Variants in RBFOX1 observed in about 807,000 individuals in gnomAD.
The protein encoded by RBFOX1 is RNA binding protein fox-1 homolog 1.
In RBFOX1, 8 loss-of-function variants were observed where a neutral mutation model predicts 57.7. The ratio of observed to expected loss-of-function variants is 0.14; its 90% CI spans 0.08 to 0.25. The LOEUF (loss-of-function observed/expected upper bound fraction) is 0.25, where lower values mean the gene tolerates loss of function less well. Ranked by LOEUF, RBFOX1 falls within the 10% of genes least tolerant of loss-of-function variation. The probability of loss-of-function intolerance (pLI) is 1.00; values close to 1 mark genes in which losing one functional copy is unlikely to be tolerated. For synonymous variants in RBFOX1, 326 were observed against 222.4 expected (o/e 1.47, Z -4.15); for missense variants, 611 against 548.5 (o/e 1.11, Z -1.14).
rs144091107 is a variant in RBFOX1, at chr16:6,074,777, G to C, written c.-127+54785G>C. On this transcript the variant is annotated intron_variant, in intron 1 of 15. Coordinates refer to ENST00000550418, the MANE Select transcript of RBFOX1 (RefSeq NM_018723.4). ...GCAGAGGCAGCACAGAAGCTCAAGC[G>C]TCAGGCCTCACGGGGAAAAGGATTC... Among the ~76,000 whole-genome samples the C allele has an allele frequency of 3.7e-3, 560 of 152,222 alleles. 5 individuals are homozygous for C. Among genetic ancestry groups the C allele is most frequent in the African/African-American group, 0.013 (542 of 41,524 alleles).
chr16:7,561,341 A>G (rs1004360682), intron 5 of RBFOX1, among the ~76,000 whole-genome samples: 1 of 152,264 alleles, frequency 6.6e-6, no homozygotes, highest in Non-Finnish European at 1.5e-5. Flanking sequence ...AAGAAAAAGC[A>G]TGCTATCCCC....
chr16:6,369,715 C>T (rs141654454), intron 2 of RBFOX1, among the ~76,000 whole-genome samples: 42 of 152,260 alleles, frequency 2.8e-4, no homozygotes, highest in Admixed American at 7.2e-4. Flanking sequence ...CTTCTATGTA[C>T]GTAAATACAC....
At chr16:5,330,662 C>T (rs1390353480) in intron 1 of RBFOX1, among the ~76,000 whole-genome samples, 2 of 151,874 alleles carry the variant, frequency 1.3e-5, no homozygotes, top group Non-Finnish European at 2.9e-5. Context: ...GCATCTGCCT[C>T]CCAAAGTGCT....
chr16:7,706,850 T>TA (rs1416215542), intron 14 of RBFOX1, among the ~76,000 whole-genome samples: 3 of 152,224 alleles, frequency 2.0e-5, no homozygotes, highest in Admixed American at 1.3e-4. Context: ...TATGTACTTC[T>TA]AGTTAAGTGG....
At chr16:6,730,166 A>G (rs1339988033) in intron 3 of RBFOX1, among the ~76,000 whole-genome samples, 3 of 152,162 alleles carry the variant, frequency 2.0e-5, no homozygotes. Context: ...TTAAATAATT[A>G]TAACTCTTTA....
chr16:7,575,519 G>T (rs910028141), intron 5 of RBFOX1, among the ~76,000 whole-genome samples: 2 of 152,152 alleles, frequency 1.3e-5, no homozygotes, highest in African/African-American at 2.4e-5. Flanking sequence ...CATTGAAGCA[G>T]AGGATGGAAG....
At chr16:6,689,507 A>T (rs913106924) in intron 3 of RBFOX1, among the ~76,000 whole-genome samples, 18 of 152,184 alleles carry the variant, frequency 1.2e-4, no homozygotes, top group Admixed American at 7.9e-4. Context: ...TAATGCACAA[A>T]TTTTTTTTAT....
At chr16:6,798,591 A>G (rs996990194) in intron 3 of RBFOX1, among the ~76,000 whole-genome samples, 1 of 152,230 alleles carries the variant, frequency 6.6e-6, no homozygotes, top group South Asian at 2.1e-4. Flanking sequence ...TCTGTATTCA[A>G]AGACACATAT....
chr16:6,616,646 G>T (rs906777443), intron 2 of RBFOX1, among the ~76,000 whole-genome samples: 4 of 152,222 alleles, frequency 2.6e-5, no homozygotes, highest in Admixed American at 1.3e-4. Flanking sequence ...CTGCACTCCA[G>T]CCTGGGCGAC....
intron 4 of RBFOX1, among the ~76,000 whole-genome samples, chr16:5,923,271 GAGA>G (rs1290693075): frequency 2.6e-5 from 4 of 152,310 alleles, no homozygotes; most frequent in Non-Finnish European, 5.9e-5. Flanking sequence ...AAAAAGAGAG[GAGA>G]AGAAGAATGC....
intron 3 of RBFOX1, among the ~76,000 whole-genome samples, chr16:6,783,663 G>T (rs1182789178): frequency 6.6e-6 from 1 of 152,006 alleles, no homozygotes; most frequent in Non-Finnish European, 1.5e-5. Flanking sequence ...TCGTACTAAA[G>T]ATATGAGGGC....
chr16:7,287,087 T>C (rs1304754876), intron 4 of RBFOX1, among the ~76,000 whole-genome samples: 1 of 152,194 alleles, frequency 6.6e-6, no homozygotes, highest in Non-Finnish European at 1.5e-5. Flanking sequence ...TCCAAGATCA[T>C]TATGGTCCCA....
chr16:5,325,851 C>A (rs1218954713), intron 1 of RBFOX1, among the ~76,000 whole-genome samples: 2 of 152,100 alleles, frequency 1.3e-5, no homozygotes, highest in Non-Finnish European at 2.9e-5. Context: ...AGTTTGTTTT[C>A]CGTTTTTGGC....
chr16:5,312,037 C>T (rs189643436), intron 1 of RBFOX1, among the ~76,000 whole-genome samples: 145 of 152,298 alleles, frequency 9.5e-4, no homozygotes, highest in Admixed American at 4.8e-3. Flanking sequence ...GCACCTAATA[C>T]CTAGAAGGGG....
intron 2 of RBFOX1, among the ~76,000 whole-genome samples, chr16:6,337,731 C>T (rs906138989): frequency 6.6e-6 from 1 of 151,992 alleles, no homozygotes; most frequent in Non-Finnish European, 1.5e-5. Flanking sequence ...AAGACCATCT[C>T]TGTAAAAAAA....
At chr16:5,831,777 T>G (rs531065759) in intron 3 of RBFOX1, among the ~76,000 whole-genome samples, 2 of 152,252 alleles carry the variant, frequency 1.3e-5, no homozygotes, top group Admixed American at 1.3e-4. Flanking sequence ...CAAGTATTCC[T>G]TTTTAGCCAT....
intron 2 of RBFOX1, among the ~76,000 whole-genome samples, chr16:6,500,750 T>C (rs1008845048): frequency 3.3e-5 from 5 of 152,168 alleles, no homozygotes; most frequent in African/African-American, 1.2e-4. Context: ...CATGTCAAGA[T>C]GTTGTTATTC....
intron 4 of RBFOX1, among the ~76,000 whole-genome samples, chr16:5,972,909 C>G (rs1183821709): frequency 6.6e-6 from 1 of 152,144 alleles, no homozygotes; most frequent in Admixed American, 6.5e-5. Context: ...GTATGCTTTC[C>G]CCAGCTTTTC....
intron 1 of RBFOX1, among the ~76,000 whole-genome samples, chr16:6,235,707 G>A (rs1235497175): frequency 6.6e-6 from 1 of 152,038 alleles, no homozygotes; most frequent in Non-Finnish European, 1.5e-5. Flanking sequence ...GGCATTCACA[G>A]TGATCTGAAT....
Sources: allele counts gnomAD v4.1 joint callset (sites outside exome capture counted in the v4.1 genomes callset), GRCh38; gene constraint gnomAD v4.1.1; transcripts MANE v1.5; gene names NCBI Gene and HGNC (gene_info 2026-07-23, HGNC 2026-07-21).